Variants in TMEM45A observed in about 807,000 individuals in gnomAD.
The protein encoded by TMEM45A is transmembrane protein 45A, also known as DNA polymerase-transactivated protein 4.
A neutral mutation model predicts 32.0 loss-of-function variants in TMEM45A; 25 were observed. The ratio of observed to expected loss-of-function variants is 0.78; its 90% CI spans 0.57 to 1.09. The LOEUF (loss-of-function observed/expected upper bound fraction) is 1.09. TMEM45A is among the 50% of genes least tolerant of loss of function. The probability of loss-of-function intolerance (pLI) is 0.00; values close to 1 mark genes in which losing one functional copy is unlikely to be tolerated. For missense variants in TMEM45A, 302 were observed against 325.0 expected (o/e 0.93, Z 0.54); for synonymous variants, 122 against 114.8 (o/e 1.06, Z -0.40).
At chr3:100,546,568 T>A (rs998629780) in intron 1 of TMEM45A, among the ~76,000 whole-genome samples, 1 of 152,190 alleles carries the variant, frequency 6.6e-6, no homozygotes, top group African/African-American at 2.4e-5. Context: ...TGTCAATCCA[T>A]GACAAATGAA....
At chr3:100,540,484 T>A (rs1297276977) in intron 1 of TMEM45A, among the ~76,000 whole-genome samples, 3 of 152,146 alleles carry the variant, frequency 2.0e-5, no homozygotes, top group Non-Finnish European at 4.4e-5. Flanking sequence ...AAAACAACAG[T>A]GAGATACTAC....
chr3:100,554,979 A>T (rs936377082), intron 1 of TMEM45A, among the ~76,000 whole-genome samples: 6 of 152,346 alleles, frequency 3.9e-5, no homozygotes, highest in Admixed American at 2.6e-4. Context: ...CACAGTGCAG[A>T]GTACATGGTA....
chr3:100,554,367 T>C (rs1026389127), intron 1 of TMEM45A, among the ~76,000 whole-genome samples: 1 of 152,210 alleles, frequency 6.6e-6, no homozygotes, highest in Admixed American at 6.5e-5. Context: ...TAAGGGATTG[T>C]TTCTTACAAA....
At chr3:100,568,077 G>A (rs1303782090) in intron 4 of TMEM45A, among the ~76,000 whole-genome samples, 1 of 152,124 alleles carries the variant, frequency 6.6e-6, no homozygotes, top group Non-Finnish European at 1.5e-5. Flanking sequence ...GAGCCACCAC[G>A]CCTGGCCAGA....
chr3:100,515,189 G>A (rs1200099714), intron 1 of TMEM45A, among the ~76,000 whole-genome samples: 1 of 152,070 alleles, frequency 6.6e-6, no homozygotes, highest in African/African-American at 2.4e-5. Context: ...TATGTTTATT[G>A]TGTCATTATT....
At chr3:100,495,086 C>T (rs1351627272) in intron 1 of TMEM45A, among the ~76,000 whole-genome samples, 2 of 152,200 alleles carry the variant, frequency 1.3e-5, no homozygotes, top group African/African-American at 4.8e-5. Context: ...TCCCCAGCTG[C>T]CATTTTGACT....
chr3:100,523,783 C>G (rs1206382320), intron 1 of TMEM45A, among the ~76,000 whole-genome samples: 2 of 134,788 alleles, frequency 1.5e-5, no homozygotes, highest in African/African-American at 6.3e-5. Context: ...TCTCTTCCTT[C>G]TCCTCCTTCT....
chr3:100,500,037 T>C (rs910500618), intron 1 of TMEM45A, among the ~76,000 whole-genome samples: 1 of 152,178 alleles, frequency 6.6e-6, no homozygotes, highest in African/African-American at 2.4e-5. Flanking sequence ...TTGCAAAAAA[T>C]TGAAATAGAT....
At chr3:100,531,075 T>G (rs546255887) in intron 1 of TMEM45A, among the ~76,000 whole-genome samples, 3 of 152,350 alleles carry the variant, frequency 2.0e-5, no homozygotes, top group Admixed American at 2.0e-4. Context: ...AGCCTTTGAT[T>G]AACATTGTTT....
At position 100,558,541 on chromosome 3, in the gene TMEM45A, G is replaced by A. The variant is rs138323614; in HGVS notation, c.540G>A (p.Glu180=). 91 of 1,614,030 alleles carry A rather than the reference G, an allele frequency of 5.6e-5. No individual in the cohort carries two copies. The highest frequency in any genetic ancestry group is 2.0e-4 in the South Asian group (18 of 91,084). ...TTGTTCGGAACAATGTACTTCTGGA[G>A]CTATTGCGGTCAAGTCTCATTCTGC... ...EFLVRNNVLL[E]LLRSSLILLQ... The change falls in exon 4 of 6, where the codon GAG becomes GAA. Residue 180 remains glutamate, a synonymous_variant. Transcript: ENST00000323523.
intron 1 of TMEM45A, among the ~76,000 whole-genome samples, chr3:100,539,427 A>G (rs1025625595): frequency 4.6e-5 from 7 of 152,006 alleles, no homozygotes; most frequent in Non-Finnish European, 8.8e-5. Context: ...AACAGAACCC[A>G]ATAGGATATG....
intron 1 of TMEM45A, among the ~76,000 whole-genome samples, chr3:100,504,575 CA>C (rs1333636275): frequency 6.6e-5 from 10 of 152,194 alleles, no homozygotes; most frequent in African/African-American, 2.4e-4. Flanking sequence ...ACCAACGGCC[CA>C]AAAGTCCCTG....
chr3:100,549,700 A>G (rs1421209056), intron 1 of TMEM45A, among the ~76,000 whole-genome samples: 5 of 152,204 alleles, frequency 3.3e-5, no homozygotes, highest in African/African-American at 7.2e-5. Context: ...GCCACTCAGC[A>G]TCTGCTTTTC....
Position 100,577,175 on chromosome 3 carries a change from A to G in TMEM45A, c.*157A>G. 1 of 562,888 alleles carries G rather than the reference A, an allele frequency of 1.8e-6. No homozygotes were observed. The allele number at this position is 562,888 out of a possible 1,614,324, so 34.9% of individuals were successfully genotyped here. A position where few individuals can be genotyped will look rare whatever the true frequency, so the allele number is the denominator to read the frequency against. On this transcript the variant is annotated 3_prime_UTR_variant, in exon 6 of 6. Coordinates refer to ENST00000323523, the MANE Select transcript of TMEM45A (RefSeq NM_018004.3). ...TTGGTTAAAGTATTTGAATTTAAAT[A>G]TTTTCTTTTTAGCTTTGAAAATATT... is the stretch of plus-strand genomic sequence containing the variant.
chr3:100,549,099 T>A (rs577404737), intron 1 of TMEM45A, among the ~76,000 whole-genome samples: 2 of 152,000 alleles, frequency 1.3e-5, no homozygotes, highest in African/African-American at 2.4e-5. Flanking sequence ...AATACAAAAA[T>A]TAGCTGGTAT....
chr3:100,542,802 CAT>C (rs1705911942), intron 1 of TMEM45A, among the ~76,000 whole-genome samples: 1 of 152,148 alleles, frequency 6.6e-6, no homozygotes, highest in African/African-American at 2.4e-5. Context: ...TCAAATACCA[CAT>C]GTTGTCACTT....
At chr3:100,550,082 T>G (rs13093980) in intron 1 of TMEM45A, among the ~76,000 whole-genome samples, 50,009 of 141,510 alleles carry the variant, frequency 0.35, 9,502 homozygotes, top group Middle Eastern at 0.47. Context: ...CATTGGGAGA[T>G]ATACCTAATG....
chr3:100,569,527 A>G (rs1426094137), intron 5 of TMEM45A, among the ~76,000 whole-genome samples: 1 of 152,196 alleles, frequency 6.6e-6, no homozygotes, highest in Non-Finnish European at 1.5e-5. Context: ...AAGAACACAT[A>G]TTTTTAGCTG....
In TMEM45A at chr3:100,558,497, G is replaced by C. The variant is rs79751571; in HGVS notation, c.496G>C (p.Val166Leu). 9 of 1,614,084 alleles carry C rather than the reference G, an allele frequency of 5.6e-6. No homozygotes were observed. Among genetic ancestry groups the C allele is most frequent in the Non-Finnish European group, 6.8e-6 (8 of 1,180,012 alleles). ...LVLVVFLTGL[V>L]AFLEFLVRNN... ...TTTGGTCGTCTTTCTGACAGGCCTC[G>C]TTGCCTTCCTAGAGTTCCTTGTTCG... Residue 166 changes from valine (V) to leucine (L), a missense_variant, in exon 4 of 6, where the codon GTT becomes CTT. Physicochemically the swap from Val to Leu is conservative, Grantham distance 32. Coordinates refer to ENST00000323523, the MANE Select transcript of TMEM45A (RefSeq NM_018004.3).
Sources: allele counts gnomAD v4.1 joint callset (sites outside exome capture counted in the v4.1 genomes callset), GRCh38; gene constraint gnomAD v4.1.1; transcripts MANE v1.5; gene names NCBI Gene and HGNC (gene_info 2026-07-23, HGNC 2026-07-21).